The following OPCML variants were observed in gnomAD, a reference collection of about 807,000 sequenced individuals.
The protein encoded by OPCML is opioid-binding protein/cell adhesion molecule.
In OPCML, 13 loss-of-function variants were observed where a neutral mutation model predicts 37.8. The ratio of observed to expected loss-of-function variants is 0.34; its 90% CI spans 0.22 to 0.55. The LOEUF (loss-of-function observed/expected upper bound fraction) is 0.55. Ranked by LOEUF, OPCML falls within the 20% of genes least tolerant of loss-of-function variation. The pLI is 0.91. For synonymous variants in OPCML, 176 were observed against 168.8 expected (o/e 1.04, Z -0.33); for missense variants, 341 against 435.6 (o/e 0.78, Z 1.93).
At chr11:133,280,566 C>G (rs902225619) in intron 1 of OPCML, among the ~76,000 whole-genome samples, 6 of 152,210 alleles carry the variant, frequency 3.9e-5, no homozygotes, top group African/African-American at 1.4e-4. Context: ...AGAGCAACAC[C>G]TAACATTGGC....
At chr11:132,481,098 A>T (rs2096178612) in intron 4 of OPCML, among the ~76,000 whole-genome samples, 1 of 152,210 alleles carries the variant, frequency 6.6e-6, no homozygotes, top group Admixed American at 6.5e-5. Context: ...TAAATGGACT[A>T]AATGCTCCAA....
At chr11:133,349,064 A>C (rs755589225) in intron 1 of OPCML, among the ~76,000 whole-genome samples, 1 of 152,188 alleles carries the variant, frequency 6.6e-6, no homozygotes, top group Non-Finnish European at 1.5e-5. Context: ...CATTAATTGT[A>C]TCTACTTCAT....
chr11:132,627,504 G>A (rs1169326427), intron 3 of OPCML, among the ~76,000 whole-genome samples: 1 of 152,228 alleles, frequency 6.6e-6, no homozygotes, highest in Non-Finnish European at 1.5e-5. Context: ...TATGGTGGTG[G>A]AGACAGAGAA....
At chr11:133,409,497 T>C (rs1352733067) in intron 1 of OPCML, among the ~76,000 whole-genome samples, 1 of 152,196 alleles carries the variant, frequency 6.6e-6, no homozygotes, top group Non-Finnish European at 1.5e-5. Context: ...CATCGACAAA[T>C]GTTCTTTTAC....
rs185330204 is a variant in OPCML, at chr11:132,651,887, T to C, written c.379+5200A>G. 3.5e-3 allele frequency among the ~76,000 whole-genome samples: 535 copies of C among 152,304 alleles called. 1 individual carries two copies. The highest frequency in any genetic ancestry group is 6.0e-3 in the Admixed American group (92 of 15,302). On this transcript the variant is annotated intron_variant, in intron 3 of 7. Coordinates refer to ENST00000524381, the MANE Select transcript of OPCML (RefSeq NM_001012393.5). ...TAAAATTGGGCTTAGCAAGAGGAGT[T>C]CATTCCATAAAAGGAAGTAACCTGT... is the stretch of plus-strand genomic sequence containing the variant.
intron 1 of OPCML, among the ~76,000 whole-genome samples, chr11:132,967,659 A>G (rs1290252870): frequency 6.6e-6 from 1 of 152,200 alleles, no homozygotes; most frequent in Admixed American, 6.5e-5. Flanking sequence ...TTGTTTTCTT[A>G]AATCAATTAA....
At chr11:132,435,798 G>A (rs767335673) in intron 7 of OPCML, among the ~76,000 whole-genome samples, 1 of 152,174 alleles carries the variant, frequency 6.6e-6, no homozygotes, top group South Asian at 2.1e-4. Flanking sequence ...ATTGACCCAT[G>A]GTTCTATCTT....
At chr11:133,155,157 G>A (rs1023800902) in intron 1 of OPCML, among the ~76,000 whole-genome samples, 1 of 152,152 alleles carries the variant, frequency 6.6e-6, no homozygotes, top group African/African-American at 2.4e-5. Context: ...AACAGTCTGT[G>A]AGAGGAGGGA....
At chr11:133,019,413 C>T (rs1279027310) in intron 1 of OPCML, among the ~76,000 whole-genome samples, 1 of 152,132 alleles carries the variant, frequency 6.6e-6, no homozygotes, top group Admixed American at 6.5e-5. Context: ...TGAGGTCAGG[C>T]GGCCCCTTCT....
intron 2 of OPCML, among the ~76,000 whole-genome samples, chr11:132,674,827 C>A (rs959097027): frequency 6.6e-6 from 1 of 152,174 alleles, no homozygotes; most frequent in Non-Finnish European, 1.5e-5. Flanking sequence ...CTCTAAGGCA[C>A]ATCCACTGGT....
intron 1 of OPCML, among the ~76,000 whole-genome samples, chr11:133,323,429 G>A (rs1943378755): frequency 6.6e-6 from 1 of 152,204 alleles, no homozygotes; most frequent in Non-Finnish European, 1.5e-5. Context: ...TAGAACTGAA[G>A]AGTCAGACAC....
intron 2 of OPCML, among the ~76,000 whole-genome samples, chr11:132,778,368 G>A (rs1390585783): frequency 6.6e-6 from 1 of 152,168 alleles, no homozygotes; most frequent in African/African-American, 2.4e-5. Flanking sequence ...AACCAAAAAT[G>A]TTTCTTCATC....
chr11:132,671,897 T>C (rs1942492077), intron 2 of OPCML, among the ~76,000 whole-genome samples: 2 of 151,926 alleles, frequency 1.3e-5, no homozygotes, highest in Admixed American at 1.3e-4. Flanking sequence ...ATGTAGAAAA[T>C]GTATAATTTA....
intron 1 of OPCML, among the ~76,000 whole-genome samples, chr11:133,448,583 G>C (rs961504804): frequency 1.3e-5 from 2 of 152,152 alleles, no homozygotes; most frequent in African/African-American, 4.8e-5. Flanking sequence ...TCAGTCTCCT[G>C]AGTAGCTGGG....
intron 1 of OPCML, among the ~76,000 whole-genome samples, chr11:133,138,501 A>C (rs989217686): frequency 1.5e-4 from 23 of 152,182 alleles, no homozygotes; most frequent in Admixed American, 5.9e-4. Flanking sequence ...TCTACCTCTG[A>C]TTTGGAGCAA....
intron 4 of OPCML, among the ~76,000 whole-genome samples, chr11:132,497,540 G>A (rs989044880): frequency 4.6e-5 from 7 of 152,064 alleles, no homozygotes; most frequent in African/African-American, 9.7e-5. Context: ...TCAGTGATTC[G>A]GAAGCCTTCT....
chr11:132,956,172 A>G (rs969947284), intron 1 of OPCML, among the ~76,000 whole-genome samples: 3 of 152,218 alleles, frequency 2.0e-5, no homozygotes, highest in Admixed American at 6.5e-5. Context: ...CAAGAATTAG[A>G]GTGATTCAGT....
rs1947430596 is a variant in OPCML, at chr11:133,483,547, T to C, written c.61+48717A>G. On this transcript the variant is annotated intron_variant, in intron 1 of 7. Transcript: ENST00000524381. ...ATAGATACATAGATGATAGATTAGATAGATAGATAACTAGACAAAGGAATG... is the reference window on the plus strand; with the variant it reads ...ATAGATACATAGATGATAGATTAGACAGATAGATAACTAGACAAAGGAATG... Among the ~76,000 whole-genome samples, 4 of 151,660 alleles carry C rather than the reference T, an allele frequency of 2.6e-5. No individual in the cohort carries two copies. The South Asian group carries it at 8.3e-4, about 32-fold the overall frequency.
chr11:132,426,798 A>T (rs1030827058), intron 7 of OPCML, among the ~76,000 whole-genome samples: 4 of 152,204 alleles, frequency 2.6e-5, no homozygotes, highest in Non-Finnish European at 5.9e-5. Context: ...CACACCTACC[A>T]CATAAGAACG....
Sources: allele counts gnomAD v4.1 joint callset (sites outside exome capture counted in the v4.1 genomes callset), GRCh38; gene constraint gnomAD v4.1.1; transcripts MANE v1.5; gene names NCBI Gene and HGNC (gene_info 2026-07-23, HGNC 2026-07-21).